Variants in DPP10 observed in about 807,000 individuals in gnomAD.
DPP10 encodes dipeptidyl peptidase like 10.
In DPP10, 33 loss-of-function variants were observed where a neutral mutation model predicts 120.9. The ratio of observed to expected loss-of-function variants is 0.27; its 90% confidence interval spans 0.21 to 0.37. The LOEUF is 0.37. DPP10 is among the 10% of genes least tolerant of loss of function. The pLI, the probability that DPP10 is intolerant of heterozygous loss-of-function variation, is 1.00. For synonymous variants in DPP10, 337 were observed against 326.1 expected (o/e 1.03, Z -0.36); for missense variants, 816 against 942.8 (o/e 0.87, Z 1.76).
chr2:115,405,030 G>A (rs2068405283), intron 3 of DPP10, among the ~76,000 whole-genome samples: 1 of 152,104 alleles, frequency 6.6e-6, no homozygotes, highest in South Asian at 2.1e-4. Flanking sequence ...TACTCACAAT[G>A]AAAAATGTTT....
At chr2:115,129,039 C>T (rs1368918082) in intron 1 of DPP10, among the ~76,000 whole-genome samples, 3 of 152,168 alleles carry the variant, frequency 2.0e-5, no homozygotes, top group Admixed American at 6.5e-5. Flanking sequence ...TATTAGGTAA[C>T]CTCTGACAGT....
intron 2 of DPP10, among the ~76,000 whole-genome samples, chr2:115,323,199 T>G (rs1432625679): frequency 6.6e-6 from 1 of 152,200 alleles, no homozygotes; most frequent in Admixed American, 6.5e-5. Context: ...TCGAAATCCT[T>G]TGTTGTCACG....
chr2:115,720,082 TA>T (rs2092607172), intron 7 of DPP10, among the ~76,000 whole-genome samples: 1 of 152,200 alleles, frequency 6.6e-6, no homozygotes, highest in Non-Finnish European at 1.5e-5. Context: ...GAGTCAGACC[TA>T]TGCTCAGCTT....
In DPP10 at chr2:115,768,288, G is replaced by A. The variant is rs1043846494; in HGVS notation, c.1114-9G>A. ...TTCTGAGATTGTTCTGTGCTCTTCT[G>A]TATTTTAGAATGAGGAGCCCGTGTT... On this transcript the variant is annotated splice_polypyrimidine_tract_variant and intron_variant, in intron 12 of 25. Transcript: ENST00000410059. 45 of 1,612,524 alleles carry A rather than the reference G, an allele frequency of 2.8e-5. No homozygotes were observed. The highest frequency in any genetic ancestry group is 3.8e-5 in the Non-Finnish European group (45 of 1,178,890).
At chr2:115,501,746 G>T (rs1387526722) in intron 4 of DPP10, among the ~76,000 whole-genome samples, 1 of 152,002 alleles carries the variant, frequency 6.6e-6, no homozygotes, top group Non-Finnish European at 1.5e-5. Context: ...AATTCCAGAT[G>T]ATTTCAAAGG....
At chr2:115,567,766 A>G (rs2081090756) in intron 5 of DPP10, among the ~76,000 whole-genome samples, 2 of 152,208 alleles carry the variant, frequency 1.3e-5, no homozygotes, top group Non-Finnish European at 1.5e-5. Context: ...ATATTGTCAA[A>G]TTCTCCCTTA....
intron 5 of DPP10, among the ~76,000 whole-genome samples, chr2:115,619,144 G>C (rs1416643985): frequency 9.1e-6 from 1 of 110,206 alleles, no homozygotes; most frequent in Non-Finnish European, 1.8e-5. Flanking sequence ...AGACAGTCTA[G>C]CTCTGTCCCC....
At chr2:115,355,749 T>C (rs1257895611) in intron 3 of DPP10, among the ~76,000 whole-genome samples, 1 of 152,122 alleles carries the variant, frequency 6.6e-6, no homozygotes, top group Non-Finnish European at 1.5e-5. Flanking sequence ...GTGAGGAAGG[T>C]GCCCAGTTTC....
At chr2:115,482,531 C>T (rs2075503675) in intron 3 of DPP10, among the ~76,000 whole-genome samples, 3 of 151,952 alleles carry the variant, frequency 2.0e-5, no homozygotes, top group Non-Finnish European at 2.9e-5. Flanking sequence ...ACAGTCATTT[C>T]TGATTTTCCT....
chr2:114,547,902 G>T (rs1687549173), intron 1 of DPP10, among the ~76,000 whole-genome samples: 1 of 152,152 alleles, frequency 6.6e-6, no homozygotes, highest in African/African-American at 2.4e-5. Context: ...CAGCAGGGGT[G>T]GGCTGGTGAT....
At chr2:114,525,686 A>G (rs1171347720) in intron 1 of DPP10, among the ~76,000 whole-genome samples, 2 of 152,202 alleles carry the variant, frequency 1.3e-5, no homozygotes, top group Non-Finnish European at 2.9e-5. Flanking sequence ...TCATGTTACT[A>G]TGTTTAACCT....
intron 1 of DPP10, among the ~76,000 whole-genome samples, chr2:115,011,601 A>ATT (rs201439926): frequency 6.6e-6 from 1 of 151,364 alleles, no homozygotes; most frequent in Non-Finnish European, 1.5e-5. Context: ...CATAGTTTGT[A>ATT]TTTTTTTTTA....
chr2:115,495,338 C>G (rs4531933), intron 3 of DPP10, among the ~76,000 whole-genome samples: 1 of 86,640 alleles, frequency 1.2e-5, no homozygotes, highest in African/African-American at 4.4e-5. Context: ...TTTAATGTTT[C>G]TAGAAACTAA....
intron 4 of DPP10, among the ~76,000 whole-genome samples, chr2:115,516,779 T>C (rs1455279336): frequency 6.6e-6 from 1 of 152,110 alleles, no homozygotes; most frequent in Non-Finnish European, 1.5e-5. Flanking sequence ...AATGTTAATG[T>C]AATTAATATG....
intron 1 of DPP10, among the ~76,000 whole-genome samples, chr2:114,878,363 G>A (rs571465107): frequency 6.6e-6 from 1 of 152,108 alleles, no homozygotes; most frequent in Admixed American, 6.6e-5. Context: ...TGCATACAAA[G>A]TGTAATAATC....
At chr2:115,812,714 A>G (rs973438096) in intron 19 of DPP10, among the ~76,000 whole-genome samples, 10 of 152,204 alleles carry the variant, frequency 6.6e-5, no homozygotes, top group Non-Finnish European at 1.0e-4. Context: ...ATCACATTAA[A>G]TGAGTGATTT....
intron 1 of DPP10, among the ~76,000 whole-genome samples, chr2:114,881,598 G>GTCTGTCTGTCTA (rs759393443): frequency 9.2e-5 from 13 of 141,180 alleles, no homozygotes; most frequent in Admixed American, 7.3e-4. Context: ...CTGTCTGTCT[G>GTCTGTCTGTCTA]TCTATCTATC....
intron 1 of DPP10, among the ~76,000 whole-genome samples, chr2:114,649,222 T>TTAAC (rs1273825148): frequency 3.3e-5 from 5 of 152,248 alleles, no homozygotes; most frequent in Admixed American, 3.3e-4. Flanking sequence ...ATTTTTTCTA[T>TTAAC]TAACCAGAAA....
At chr2:115,146,359 C>T (rs1190927830) in intron 1 of DPP10, among the ~76,000 whole-genome samples, 1 of 151,962 alleles carries the variant, frequency 6.6e-6, no homozygotes, top group Non-Finnish European at 1.5e-5. Flanking sequence ...TAGGATTACT[C>T]GAAGTCCAAG....
Sources: gnomAD v4.1 joint callset for allele counts (sites outside exome capture counted in the v4.1 genomes callset) on GRCh38, gnomAD v4.1.1 for gene constraint, MANE v1.5 for transcripts, NCBI Gene and HGNC (gene_info 2026-07-23, HGNC 2026-07-21) for gene names.